The following ATP6V1C1 variants were observed in gnomAD, a reference collection of about 807,000 sequenced individuals.
The protein encoded by ATP6V1C1 is V-type proton ATPase subunit C 1.
ATP6V1C1 carries 45 observed loss-of-function variants against 53.9 expected under a neutral mutation model. The observed-to-expected ratio is 0.83, with a 90% CI of 0.66 to 1.07. The LOEUF is 1.07. Ranked by LOEUF, ATP6V1C1 falls within the 50% of genes least tolerant of loss-of-function variation. The probability of loss-of-function intolerance (pLI) is 0.00; values close to 1 mark genes in which losing one functional copy is unlikely to be tolerated. For missense variants in ATP6V1C1, 315 were observed against 440.3 expected, an observed-to-expected ratio of 0.72 and a Z score of 2.55; for synonymous variants, 153 against 155.2, an observed-to-expected ratio of 0.99 and a Z score of 0.11.
At chr8:103,046,261 C>G (rs555523586) in intron 3 of ATP6V1C1, among the ~76,000 whole-genome samples, 1 of 152,010 alleles carries the variant, frequency 6.6e-6, no homozygotes, top group African/African-American at 2.4e-5. Context: ...GGCTAGAGTG[C>G]AGTGGTGCAA....
intron 8 of ATP6V1C1, among the ~76,000 whole-genome samples, chr8:103,058,735 A>T (rs957274456): frequency 6.6e-6 from 1 of 152,244 alleles, no homozygotes; most frequent in Non-Finnish European, 1.5e-5. Context: ...CTATTCTTCT[A>T]ACTGTCCTCA....
chr8:103,048,771 A>G, intron 3 of ATP6V1C1, 99 bp from the exon 4 acceptor site: 4 of 986,718 alleles, frequency 4.1e-6, no homozygotes, highest in Non-Finnish European at 6.2e-6. Context: ...TAATGGGAAC[A>G]TATAGTCAAA....
intron 12 of ATP6V1C1, among the ~76,000 whole-genome samples, chr8:103,066,966 C>G (rs562498591): frequency 2.0e-5 from 3 of 150,348 alleles, no homozygotes; most frequent in Non-Finnish European, 4.4e-5. Flanking sequence ...TAGTAAGATC[C>G]CATCTGAAAA....
intron 10 of ATP6V1C1, among the ~76,000 whole-genome samples, chr8:103,064,364 T>G (rs1817453539): frequency 6.6e-6 from 1 of 152,164 alleles, no homozygotes; most frequent in Non-Finnish European, 1.5e-5. Flanking sequence ...TGTTTTAGAG[T>G]GTTGTGTAGT....
chr8:103,067,784 C>T (rs1439905505), intron 12 of ATP6V1C1, among the ~76,000 whole-genome samples: 1 of 151,864 alleles, frequency 6.6e-6, no homozygotes, highest in East Asian at 1.9e-4. Flanking sequence ...GCGGTTTCAC[C>T]ATGTTGGCCA....
At chr8:103,058,601 G>A (rs1340561488) in intron 8 of ATP6V1C1, among the ~76,000 whole-genome samples, 1 of 152,190 alleles carries the variant, frequency 6.6e-6, no homozygotes, top group African/African-American at 2.4e-5. Context: ...ATTATAGGTA[G>A]TAACACATTA....
Position 103,068,921 on chromosome 8 carries a change from AAT to A in ATP6V1C1, c.*186_*187del, listed in dbSNP as rs780815760. ...TCAACATTTTCTTTTTAAAGGAAAAAATATATATATATAGTTTCTTTTTATTG... is the reference window on the plus strand; with the variant it reads ...TCAACATTTTCTTTTTAAAGGAAAAAATATATATATAGTTTCTTTTTATTG... On this transcript the variant is annotated 3_prime_UTR_variant, in exon 13 of 13. Coordinates refer to ENST00000518738, the MANE Select transcript of ATP6V1C1 (RefSeq NM_001695.5). 375 of 368,132 alleles carry A rather than the reference AAT, an allele frequency of 1.0e-3. No individual in the cohort carries two copies. The highest frequency in any genetic ancestry group is 1.5e-3 in the Middle Eastern group (3 of 1,978). 22.8% of individuals were successfully genotyped at this position (368,132 alleles called of 1,614,324 possible).
rs57659220 is a variant in ATP6V1C1 at position 103,047,464 on chromosome 8, A to G, written c.201-1406A>G. Among the ~76,000 whole-genome samples the G allele has an allele frequency of 1.3e-4, 16 of 125,604 alleles. 1 individual carries two copies. The East Asian group carries it at 3.6e-3, about 29-fold the overall frequency. 82.4% of individuals were successfully genotyped at this position (125,604 alleles called of 152,430 possible). A position where few individuals can be genotyped will look rare whatever the true frequency, so the allele number is the denominator to read the frequency against. ...CACACACACACACACACACACACAC[A>G]TTTTTTTTTTAAGGAAAAAAAACCA... On this transcript the variant is annotated intron_variant, in intron 3 of 12. Transcript: ENST00000518738.
intron 3 of ATP6V1C1, among the ~76,000 whole-genome samples, chr8:103,044,531 A>G (rs1375274790): frequency 6.6e-6 from 1 of 152,196 alleles, no homozygotes; most frequent in Non-Finnish European, 1.5e-5. Context: ...CTGAAAATCA[A>G]TTGAACATAA....
chr8:103,045,680 G>A (rs536058382), intron 3 of ATP6V1C1, among the ~76,000 whole-genome samples: 77 of 152,236 alleles, frequency 5.1e-4, no homozygotes, highest in African/African-American at 1.7e-3. Context: ...GGTGGCTCAC[G>A]CCTGTAATCC....
intron 1 of ATP6V1C1, among the ~76,000 whole-genome samples, chr8:103,025,386 C>T (rs532886096): frequency 6.6e-6 from 1 of 152,256 alleles, no homozygotes; most frequent in Admixed American, 6.5e-5. Flanking sequence ...AGGAGAGAGG[C>T]ACCATTTGGT....
chr8:103,063,338 G>T (rs2131403757), intron 10 of ATP6V1C1, 110 bp downstream of exon 10: 8 of 696,844 alleles, frequency 1.1e-5, no homozygotes, highest in East Asian at 5.8e-5. Flanking sequence ...TAAGACATTT[G>T]ATTTTAGTTT....
intron 3 of ATP6V1C1, among the ~76,000 whole-genome samples, chr8:103,046,298 C>G (rs971446807): frequency 1.3e-5 from 2 of 152,156 alleles, no homozygotes; most frequent in Non-Finnish European, 2.9e-5. Context: ...CCTGGAACTC[C>G]TGGGCTCAAG....
chr8:103,029,730 T>TA (rs10719277), intron 1 of ATP6V1C1, among the ~76,000 whole-genome samples: 8 of 151,474 alleles, frequency 5.3e-5, no homozygotes, highest in South Asian at 2.1e-4. Context: ...TTATTTTATT[T>TA]AAAAAAAATT....
chr8:103,067,617 T>TTTTTTTTTTTTTTTTC (rs1408507732), intron 12 of ATP6V1C1, among the ~76,000 whole-genome samples: 1 of 144,426 alleles, frequency 6.9e-6, no homozygotes, highest in Non-Finnish European at 1.5e-5. Flanking sequence ...TTTTTTTTTT[T>TTTTTTTTTTTTTTTTC]CGAGATGGAG....
chr8:103,040,084 CAATTA>C (rs1485204417), intron 1 of ATP6V1C1, among the ~76,000 whole-genome samples: 2 of 152,016 alleles, frequency 1.3e-5, no homozygotes, highest in African/African-American at 4.8e-5. Flanking sequence ...TGCATTGATT[CAATTA>C]AATTCTTTCT....
intron 1 of ATP6V1C1, among the ~76,000 whole-genome samples, chr8:103,035,464 G>A (rs911964829): frequency 2.0e-4 from 31 of 152,198 alleles, no homozygotes; most frequent in African/African-American, 5.8e-4. Context: ...TCTCAGTAAG[G>A]TGGAGAGGAA....
At chr8:103,050,985 G>T in intron 4 of ATP6V1C1, 65 bp from the exon 5 acceptor site, 1 of 1,070,406 alleles carries the variant, frequency 9.3e-7, no homozygotes. Flanking sequence ...AAAATATATC[G>T]CTGTGTAAAA....
At chr8:103,047,528 C>A (rs1239532535) in intron 3 of ATP6V1C1, among the ~76,000 whole-genome samples, 2 of 151,342 alleles carry the variant, frequency 1.3e-5, no homozygotes, top group African/African-American at 2.4e-5. Context: ...GTTTCCCCTC[C>A]TAGCTGTTGA....
Sources: gnomAD v4.1 joint callset for allele counts (sites outside exome capture counted in the v4.1 genomes callset) on GRCh38, gnomAD v4.1.1 for gene constraint, MANE v1.5 for transcripts, NCBI Gene and HGNC (gene_info 2026-07-23, HGNC 2026-07-21) for gene names.